The following ATXN7L1 variants were observed in gnomAD, a reference collection of about 807,000 sequenced individuals.
ATXN7L1 encodes ataxin 7 like 1.
A neutral mutation model predicts 70.8 loss-of-function variants in ATXN7L1; 15 were observed. The ratio of observed to expected loss-of-function variants is 0.21; its 90% CI spans 0.14 to 0.33. ATXN7L1 has a LOEUF of 0.33. ATXN7L1 is among the 10% of genes least tolerant of loss of function. The pLI, the probability that ATXN7L1 is intolerant of heterozygous loss-of-function variation, is 1.00. For synonymous variants in ATXN7L1, 440 were observed against 445.1 expected (o/e 0.99, Z 0.14); for missense variants, 975 against 1,097.1 (o/e 0.89, Z 1.57).
At position 105,711,210 on chromosome 7, in the gene ATXN7L1, C is replaced by T. The variant is rs1188089464; in HGVS notation, c.356-45922G>A. ...CATGATCCAATGACCTCCCACTAGG[C>T]CCCTCCTCCAATTCAACATGAGATT... On this transcript the variant is annotated intron_variant, in intron 3 of 11. Coordinates refer to ENST00000419735, the MANE Select transcript of ATXN7L1 (RefSeq NM_020725.2). 2.6e-5 allele frequency among the ~76,000 whole-genome samples: 4 copies of T among 152,110 alleles called. No homozygotes were observed. The South Asian group carries it at 6.2e-4, about 24-fold the overall frequency.
chr7:105,634,192 G>T (rs1448850209), intron 7 of ATXN7L1, among the ~76,000 whole-genome samples: 3 of 152,264 alleles, frequency 2.0e-5, no homozygotes, highest in African/African-American at 7.2e-5. Context: ...AGTTTGTTTA[G>T]TTGCCGTTCA....
At chr7:105,788,205 G>T (rs1034161938) in intron 3 of ATXN7L1, 3 of 174,968 alleles carry the variant, frequency 1.7e-5, no homozygotes, top group African/African-American at 4.7e-5. Context: ...GTGCTTGGCC[G>T]CAGCCCTCCT....
intron 2 of ATXN7L1, among the ~76,000 whole-genome samples, chr7:105,816,709 C>T (rs1809255247): frequency 6.6e-6 from 1 of 152,222 alleles, no homozygotes; most frequent in Admixed American, 6.5e-5. Context: ...CAGCTGGGAG[C>T]TGGAATGCTC....
rs577746871 is a variant in ATXN7L1 at position 105,837,488 on chromosome 7, A to C, written c.250+38324T>G. Among the ~76,000 whole-genome samples the C allele has an allele frequency of 5.9e-5, 9 of 152,232 alleles. No homozygotes were observed. The South Asian group carries it at 8.3e-4, about 14-fold the overall frequency. On this transcript the variant is annotated intron_variant, in intron 2 of 11. Transcript: ENST00000419735. ...AAAGTGGGCATCTTAGAATCAGTGAAATATGAAGGGTTGGAAGGATATACT... is the reference window on the plus strand; with the variant it reads ...AAAGTGGGCATCTTAGAATCAGTGACATATGAAGGGTTGGAAGGATATACT...
At chr7:105,711,203 C>A (rs562352715) in intron 3 of ATXN7L1, among the ~76,000 whole-genome samples, 48 of 152,284 alleles carry the variant, frequency 3.2e-4, no homozygotes, top group African/African-American at 1.1e-3. Context: ...AATGACCTCC[C>A]ACTAGGCCCC....
At chr7:105,873,730 T>C (rs1023989713) in intron 2 of ATXN7L1, among the ~76,000 whole-genome samples, 4 of 152,158 alleles carry the variant, frequency 2.6e-5, no homozygotes, top group Non-Finnish European at 4.4e-5. Context: ...TATGTATAAT[T>C]AGGAGCTAAA....
At chr7:105,838,498 C>A (rs1337138167) in intron 2 of ATXN7L1, among the ~76,000 whole-genome samples, 1 of 152,190 alleles carries the variant, frequency 6.6e-6, no homozygotes, top group African/African-American at 2.4e-5. Flanking sequence ...AGGCCACACC[C>A]CTAGGGATTT....
chr7:105,774,353 C>CA (rs571441441), intron 3 of ATXN7L1, among the ~76,000 whole-genome samples: 3 of 135,404 alleles, frequency 2.2e-5, no homozygotes, highest in Non-Finnish European at 3.1e-5. Flanking sequence ...GCCAGCAACC[C>CA]TTTTTTTTTT....
chr7:105,758,552 G>A (rs932738673), intron 3 of ATXN7L1, among the ~76,000 whole-genome samples: 5 of 152,236 alleles, frequency 3.3e-5, no homozygotes, highest in African/African-American at 4.8e-5. Flanking sequence ...GGTAGCCAGT[G>A]GAGGACAGAT....
At chr7:105,621,622 C>T (rs545056262) in intron 8 of ATXN7L1, among the ~76,000 whole-genome samples, 1 of 152,296 alleles carries the variant, frequency 6.6e-6, no homozygotes, top group South Asian at 2.1e-4. Flanking sequence ...GTTAGGGCAA[C>T]CGGAAGGCTA....
At chr7:105,739,104 A>T (rs180959153) in intron 3 of ATXN7L1, among the ~76,000 whole-genome samples, 1 of 152,298 alleles carries the variant, frequency 6.6e-6, no homozygotes, top group East Asian at 1.9e-4. Flanking sequence ...GGCAAGGGAG[A>T]TGCTGGCAGA....
intron 3 of ATXN7L1, among the ~76,000 whole-genome samples, chr7:105,695,388 C>T (rs978893810): frequency 6.6e-6 from 1 of 152,198 alleles, no homozygotes; most frequent in African/African-American, 2.4e-5. Flanking sequence ...AGTGAATGTG[C>T]CTAACACAGA....
chr7:105,735,931 G>T (rs1421700749), intron 3 of ATXN7L1, among the ~76,000 whole-genome samples: 1 of 152,146 alleles, frequency 6.6e-6, no homozygotes, highest in East Asian at 1.9e-4. Context: ...TTGTTTTATG[G>T]TAAGAATTGT....
At chr7:105,631,327 CAA>C (rs1281571654) in intron 7 of ATXN7L1, among the ~76,000 whole-genome samples, 1 of 152,078 alleles carries the variant, frequency 6.6e-6, no homozygotes, top group Non-Finnish European at 1.5e-5. Flanking sequence ...CCTAGAGCTG[CAA>C]AAGTCATAGG....
At chr7:105,805,989 G>A (rs937991257) in intron 2 of ATXN7L1, among the ~76,000 whole-genome samples, 2 of 152,194 alleles carry the variant, frequency 1.3e-5, no homozygotes, top group Non-Finnish European at 2.9e-5. Context: ...GCTGGAACAA[G>A]GCTGGAGGTG....
At chr7:105,698,704 T>C (rs1240375047) in intron 3 of ATXN7L1, among the ~76,000 whole-genome samples, 1 of 152,142 alleles carries the variant, frequency 6.6e-6, no homozygotes, top group Non-Finnish European at 1.5e-5. Context: ...CAGCCAGCCT[T>C]AGCCAGTACT....
At chr7:105,772,649 T>A (rs1314209669) in intron 3 of ATXN7L1, among the ~76,000 whole-genome samples, 1 of 152,088 alleles carries the variant, frequency 6.6e-6, no homozygotes, top group Non-Finnish European at 1.5e-5. Flanking sequence ...GCAAAAGGTG[T>A]CAGAGTTACA....
At chr7:105,676,946 CT>C (rs796454609) in intron 3 of ATXN7L1, among the ~76,000 whole-genome samples, 2 of 152,318 alleles carry the variant, frequency 1.3e-5, no homozygotes, top group African/African-American at 4.8e-5. Flanking sequence ...ACCTGAACAG[CT>C]GGACCGAATC....
chr7:105,652,994 C>A (rs934634715), intron 4 of ATXN7L1, among the ~76,000 whole-genome samples: 3 of 152,180 alleles, frequency 2.0e-5, no homozygotes, highest in African/African-American at 7.2e-5. Context: ...ACCTGAACCA[C>A]CTCCATCCAG....
Sources: gnomAD v4.1 joint callset for allele counts (sites outside exome capture counted in the v4.1 genomes callset) on GRCh38, gnomAD v4.1.1 for gene constraint, MANE v1.5 for transcripts, NCBI Gene and HGNC (gene_info 2026-07-23, HGNC 2026-07-21) for gene names.